SHC3: variants seen among roughly 807,000 people sequenced by gnomAD.
The protein encoded by SHC3 is SHC adaptor protein 3.
Under a neutral mutation model 60.4 loss-of-function variants are expected in SHC3, and 15 were observed. The observed-to-expected ratio is 0.25, with a 90% CI of 0.17 to 0.38. SHC3 has a LOEUF of 0.38. Among genes scored for constraint, SHC3 ranks in the 10% least tolerant of loss-of-function variants. The pLI is 1.00. For synonymous variants in SHC3, 294 were observed against 325.9 expected, an observed-to-expected ratio of 0.90 and a Z score of 1.05; for missense variants, 677 against 786.1, an observed-to-expected ratio of 0.86 and a Z score of 1.66.
In SHC3 at chr9:89,089,614, CA is replaced by C. The variant is rs776033937; in HGVS notation, c.546-11712del. ...TCCTTCCCATTTGGGAAAAGTAAACCAAAATTAAAGGAAATAAACTCAGAGG... is the reference window on the plus strand; with the variant it reads ...TCCTTCCCATTTGGGAAAAGTAAACCAAATTAAAGGAAATAAACTCAGAGG... On this transcript the variant is annotated intron_variant, in intron 2 of 11. Coordinates refer to ENST00000375835, the MANE Select transcript of SHC3 (RefSeq NM_016848.6). Among the ~76,000 whole-genome samples the C allele has an allele frequency of 6.6e-5, 10 of 152,256 alleles. No homozygotes were observed. In the East Asian group the frequency reaches 1.9e-3, roughly 29 times the overall value.
chr9:89,035,853 G>A (rs754312227), intron 11 of SHC3, among the ~76,000 whole-genome samples: 50,823 of 92,700 alleles, frequency 0.55, 12,929 homozygotes, highest in East Asian at 0.96. Flanking sequence ...ATATATAGAT[G>A]TGTGTGTGTG....
chr9:89,173,038 C>T (rs527283480), intron 1 of SHC3, among the ~76,000 whole-genome samples: 4 of 152,338 alleles, frequency 2.6e-5, no homozygotes, highest in African/African-American at 7.2e-5. Flanking sequence ...AATACAGATG[C>T]CACCATTTCT....
At position 89,045,791 on chromosome 9, in the gene SHC3, C is replaced by T; in HGVS notation, c.1156G>A (p.Gly386Arg). Residue 386 changes from glycine to arginine, a missense_variant, in exon 9 of 12, where the codon GGA becomes AGA. By Grantham distance (125) the Gly-to-Arg change is moderately radical (BLOSUM62 -2). Coordinates refer to ENST00000375835, the MANE Select transcript of SHC3 (RefSeq NM_016848.6). Reference sequence around the variant, plus strand: ...TGCCAGTCTTCGCCAAAAGTGTCTCCTAAGTGTCTTCCCTGGTAATAAGTC... The same window carrying T: ...TGCCAGTCTTCGCCAAAAGTGTCTCTTAAGTGTCTTCCCTGGTAATAAGTC... ...EQTYYQGRHL[G>R]DTFGEDWQQT... is the part of the protein sequence containing the mutation. 1 of 1,614,208 alleles carries T rather than the reference C, an allele frequency of 6.2e-7. No individual in the cohort carries two copies. The highest frequency in any genetic ancestry group is 8.5e-7 in the Non-Finnish European group (1 of 1,180,030).
rs189115041 is a variant in SHC3 at position 89,049,932 on chromosome 9, G to T, written c.962+2105C>A. ...GCCCTGGAGTCACCGAGTCTACTCT[G>T]GCTGGGAGGCTGCTCTGTTTGGGAA... On this transcript the variant is annotated intron_variant, in intron 7 of 11. Coordinates refer to ENST00000375835, the MANE Select transcript of SHC3 (RefSeq NM_016848.6). Among the ~76,000 whole-genome samples, 4 of 152,290 alleles carry T rather than the reference G, an allele frequency of 2.6e-5. No homozygotes were observed. In the East Asian group the frequency reaches 7.7e-4, roughly 29 times the overall value.
Position 89,074,851 on chromosome 9 carries a change from A to AT in SHC3, c.729+257dup, listed in dbSNP as rs879630918. Reference sequence around the variant, plus strand: ...TAAGAAGAGACTTTGCACACACATCATTTTTTTTTTTTTACATTGCAAGTA... The same window carrying AT: ...TAAGAAGAGACTTTGCACACACATCATTTTTTTTTTTTTTACATTGCAAGTA... On this transcript the variant is annotated intron_variant, in intron 4 of 11. Coordinates refer to ENST00000375835, the MANE Select transcript of SHC3 (RefSeq NM_016848.6). Among the ~76,000 whole-genome samples the AT allele has an allele frequency of 2.3e-3, 333 of 145,988 alleles. 1 individual carries two copies. Among genetic ancestry groups the AT allele is most frequent in the East Asian group, 4.9e-3 (25 of 5,058 alleles).
chr9:89,075,776 T>C (rs1825348952), intron 3 of SHC3, among the ~76,000 whole-genome samples: 1 of 152,202 alleles, frequency 6.6e-6, no homozygotes, highest in African/African-American at 2.4e-5. Context: ...GACTGTCCTC[T>C]TAAAAACCCA....
chr9:89,108,385 G>A (rs1222905014), intron 2 of SHC3, among the ~76,000 whole-genome samples: 3 of 152,058 alleles, frequency 2.0e-5, no homozygotes, highest in Admixed American at 2.0e-4. Flanking sequence ...GCTGGACATG[G>A]TGGCATGCAC....
At chr9:89,086,502 C>T (rs936401160) in intron 2 of SHC3, among the ~76,000 whole-genome samples, 2 of 152,168 alleles carry the variant, frequency 1.3e-5, no homozygotes, top group Non-Finnish European at 2.9e-5. Flanking sequence ...CCATGCCCTC[C>T]CAGGATGTGA....
intron 1 of SHC3, among the ~76,000 whole-genome samples, chr9:89,128,834 A>G (rs1826201076): frequency 6.6e-6 from 1 of 152,230 alleles, no homozygotes; most frequent in Admixed American, 6.5e-5. Flanking sequence ...TCTAAAAATC[A>G]GATCACCTCT....
chr9:89,130,814 T>C (rs1412662014), intron 1 of SHC3, among the ~76,000 whole-genome samples: 1 of 151,994 alleles, frequency 6.6e-6, no homozygotes, highest in African/African-American at 2.4e-5. Flanking sequence ...AGGAAAGATC[T>C]AAAATTGACA....
Position 89,178,356 on chromosome 9 carries a change from C to G in SHC3, c.105G>C (p.Ser35=). ...CCGCCGCCGGGGTCGCGCGCGCCGC[C>G]GAAACCTTGCCTCCGCCGCCGCTCA... ...LSVSGGGGKV[S]AARATPAAAP... is the part of the protein sequence containing the mutation. The change falls in exon 1 of 12, where the codon TCG becomes TCC. Residue 35 remains serine (S), a synonymous_variant. Coordinates refer to ENST00000375835, the MANE Select transcript of SHC3 (RefSeq NM_016848.6). The surrounding 1 kb of genome is among the most constrained non-coding windows in gnomAD (Gnocchi z 6.9). 1 of 1,594,050 alleles carries G rather than the reference C, an allele frequency of 6.3e-7. No individual in the cohort carries two copies. Among genetic ancestry groups the G allele is most frequent in the Admixed American group, 1.7e-5 (1 of 58,396 alleles).
intron 11 of SHC3, among the ~76,000 whole-genome samples, chr9:89,021,667 G>A (rs1448324640): frequency 6.6e-6 from 1 of 152,238 alleles, no homozygotes; most frequent in Non-Finnish European, 1.5e-5. Flanking sequence ...CCTCTGTCCT[G>A]CACCAGGTGG....
chr9:89,158,926 G>A lies in SHC3; in HGVS notation c.474+19061C>T, dbSNP rs367737852. On this transcript the variant is annotated intron_variant, in intron 1 of 11. Transcript: ENST00000375835. ...AATAATCCTCAGTGAAAATTCCACC[G>A]GCTTTCTCAATTACAAGCCTGAATT... Among the ~76,000 whole-genome samples the A allele has an allele frequency of 1.1e-4, 17 of 152,108 alleles. No homozygotes were observed. The South Asian group carries it at 1.4e-3, about 13-fold the overall frequency.
At chr9:89,026,677 ATT>A (rs1026560849) in intron 11 of SHC3, among the ~76,000 whole-genome samples, 1 of 152,178 alleles carries the variant, frequency 6.6e-6, no homozygotes, top group Non-Finnish European at 1.5e-5. Flanking sequence ...TGCCTCAGAT[ATT>A]TTTTGGTTTA....
intron 9 of SHC3, among the ~76,000 whole-genome samples, chr9:89,042,460 C>T (rs968689151): frequency 6.6e-6 from 1 of 152,222 alleles, no homozygotes; most frequent in African/African-American, 2.4e-5. Context: ...AATTTTGGCC[C>T]TTGCTGCCCC....
chr9:89,036,780 G>A (rs1803540737), intron 11 of SHC3, among the ~76,000 whole-genome samples: 1 of 152,048 alleles, frequency 6.6e-6, no homozygotes, highest in Admixed American at 6.6e-5. Flanking sequence ...CCATCACCCA[G>A]GCTGGAGTGG....
intron 11 of SHC3, among the ~76,000 whole-genome samples, chr9:89,017,652 C>G (rs1826119236): frequency 6.6e-6 from 1 of 152,092 alleles, no homozygotes; most frequent in Non-Finnish European, 1.5e-5. Flanking sequence ...CAAATGGGAT[C>G]TAATTAAACA....
At chr9:89,124,637 CAAG>C (rs1406800838) in intron 1 of SHC3, among the ~76,000 whole-genome samples, 1 of 151,812 alleles carries the variant, frequency 6.6e-6, no homozygotes, top group Non-Finnish European at 1.5e-5. Context: ...AGTTGAACAA[CAAG>C]AACACATGAA....
intron 1 of SHC3, among the ~76,000 whole-genome samples, chr9:89,132,745 T>C (rs897608368): frequency 1.3e-5 from 2 of 152,184 alleles, no homozygotes; most frequent in African/African-American, 4.8e-5. Context: ...TTACACCTTA[T>C]ACAAAAATTA....
Sources: allele counts gnomAD v4.1 joint callset (sites outside exome capture counted in the v4.1 genomes callset), GRCh38; gene constraint gnomAD v4.1.1; non-coding constraint Gnocchi (gnomAD v3.1); transcripts MANE v1.5; gene names NCBI Gene and HGNC (gene_info 2026-07-23, HGNC 2026-07-21).